Variants in DTNB observed in about 807,000 individuals in gnomAD.
The protein encoded by DTNB is dystrobrevin beta, also known as DTN-B.
DTNB carries 63 observed loss-of-function variants against 90.7 expected under a neutral mutation model. The observed-to-expected ratio is 0.69, with a 90% CI of 0.57 to 0.86. DTNB has a LOEUF of 0.86. Among genes scored for constraint, DTNB ranks in the 40% least tolerant of loss-of-function variants. DTNB has a pLI of 0.00. For missense variants in DTNB, 744 were observed against 807.1 expected, an observed-to-expected ratio of 0.92 and a Z score of 0.95; for synonymous variants, 277 against 286.7, an observed-to-expected ratio of 0.97 and a Z score of 0.34.
At chr2:25,522,141 T>C (rs1235123499) in intron 9 of DTNB, among the ~76,000 whole-genome samples, 2 of 152,198 alleles carry the variant, frequency 1.3e-5, no homozygotes, top group Non-Finnish European at 2.9e-5. Flanking sequence ...GCAACTCATT[T>C]CTCTCAGAGA....
chr2:25,399,127 C>A lies in DTNB; in HGVS notation c.1576-10766G>T, dbSNP rs551655259. Reference sequence around the variant, plus strand: ...GCAGTGGCGCGATCTCGGCTCACTGCAACCTCTGCCTCCTGGGTTCAAATG... The same window carrying A: ...GCAGTGGCGCGATCTCGGCTCACTGAAACCTCTGCCTCCTGGGTTCAAATG... On this transcript the variant is annotated intron_variant, in intron 16 of 20. Transcript: ENST00000406818. 5.3e-5 allele frequency among the ~76,000 whole-genome samples: 8 copies of A among 152,314 alleles called. No individual in the cohort carries two copies. In the East Asian group the frequency reaches 1.4e-3, roughly 26 times the overall value.
intron 5 of DTNB, among the ~76,000 whole-genome samples, chr2:25,597,076 G>C (rs894979187): frequency 6.6e-6 from 1 of 152,158 alleles, no homozygotes; most frequent in Admixed American, 6.5e-5. Context: ...AGTCAAATAT[G>C]CACAGAAAAA....
intron 16 of DTNB, among the ~76,000 whole-genome samples, chr2:25,393,769 T>G (rs2041757619): frequency 6.6e-6 from 1 of 152,110 alleles, no homozygotes; most frequent in African/African-American, 2.4e-5. Context: ...TGGAAACACA[T>G]CCCATGCTCA....
chr2:25,398,011 A>G (rs2042845543), intron 16 of DTNB, among the ~76,000 whole-genome samples: 5 of 152,088 alleles, frequency 3.3e-5, no homozygotes, highest in African/African-American at 1.2e-4. Flanking sequence ...TGGGCCAGGC[A>G]CCATGGCCTG....
intron 9 of DTNB, among the ~76,000 whole-genome samples, chr2:25,518,404 G>T (rs1042168204): frequency 6.6e-6 from 1 of 152,082 alleles, no homozygotes; most frequent in Non-Finnish European, 1.5e-5. Context: ...AAGCTTGATG[G>T]TTCTGAGTTT....
chr2:25,671,568 C>T (rs982492133), intron 1 of DTNB, among the ~76,000 whole-genome samples: 2 of 152,102 alleles, frequency 1.3e-5, no homozygotes, highest in Non-Finnish European at 2.9e-5. Flanking sequence ...GAAACTAAGG[C>T]CCTGAGAGAG....
rs3041261 is a variant in DTNB, at chr2:25,382,519, C to CTTTTTTT, written c.1879+1310_1879+1316dup. On this transcript the variant is annotated intron_variant, in intron 19 of 20. Coordinates refer to ENST00000406818, the MANE Select transcript of DTNB (RefSeq NM_021907.5). ...GAGTCAGAAAGACCCAGTTCTCTGC[C>CTTTTTTT]TTTTTTTTTTTTTTTTTTTTTTTTT... 6.9e-5 allele frequency among the ~76,000 whole-genome samples: 5 copies of CTTTTTTT among 72,008 alleles called. 1 individual carries two copies. The highest frequency in any genetic ancestry group is 3.0e-4 in the African/African-American group (5 of 16,536). 47.2% of individuals were successfully genotyped at this position (72,008 alleles called of 152,430 possible).
chr2:25,518,122 C>T (rs596173), intron 9 of DTNB, among the ~76,000 whole-genome samples: 44,935 of 151,950 alleles, frequency 0.3, 7,634 homozygotes, highest in East Asian at 0.52. Context: ...TTAACAACAA[C>T]ACGATTACAC....
chr2:25,628,485 G>GTTTCTTCTCTTT, intron 3 of DTNB, 101 bp from the exon 4 acceptor site: 1 of 1,127,364 alleles, frequency 8.9e-7, no homozygotes, highest in Non-Finnish European at 1.2e-6. Flanking sequence ...AGTTTAAAGA[G>GTTTCTTCTCTTT]AAGAAACTCT....
At chr2:25,423,753 G>C (rs2149841977) in intron 15 of DTNB, among the ~76,000 whole-genome samples, 1 of 151,436 alleles carries the variant, frequency 6.6e-6, no homozygotes. Flanking sequence ...TCCACCTCCT[G>C]GGTTCAAGCG....
At chr2:25,504,775 T>C (rs2071929572) in intron 9 of DTNB, among the ~76,000 whole-genome samples, 1 of 152,176 alleles carries the variant, frequency 6.6e-6, no homozygotes. Flanking sequence ...ATTGCTAAGA[T>C]AGCAATATTC....
At chr2:25,553,459 T>A (rs2056726446) in intron 8 of DTNB, among the ~76,000 whole-genome samples, 1 of 152,018 alleles carries the variant, frequency 6.6e-6, no homozygotes, top group South Asian at 2.1e-4. Flanking sequence ...TAGGTAGGGC[T>A]GGGTGCGGTG....
intron 2 of DTNB, among the ~76,000 whole-genome samples, chr2:25,641,913 C>G (rs902529873): frequency 6.6e-6 from 1 of 152,262 alleles, no homozygotes; most frequent in Non-Finnish European, 1.5e-5. Context: ...CTCTGCCTCC[C>G]GGGTTCACGC....
intron 3 of DTNB, among the ~76,000 whole-genome samples, chr2:25,629,619 G>C (rs558327570): frequency 1.3e-5 from 2 of 152,038 alleles, no homozygotes; most frequent in African/African-American, 4.8e-5. Context: ...AACTTTATTC[G>C]TAACAGGAAA....
intron 9 of DTNB, among the ~76,000 whole-genome samples, chr2:25,515,178 G>A (rs1187602904): frequency 2.6e-5 from 4 of 151,114 alleles, no homozygotes; most frequent in South Asian, 2.1e-4. Flanking sequence ...CAAACACACC[G>A]AAAAAAAACA....
intron 4 of DTNB, among the ~76,000 whole-genome samples, chr2:25,607,965 T>C (rs1411366678): frequency 6.6e-6 from 1 of 152,132 alleles, no homozygotes; most frequent in Non-Finnish European, 1.5e-5. Context: ...AGAACATAAA[T>C]GAATCACCTA....
chr2:25,570,505 T>A (rs2059706634), intron 8 of DTNB, among the ~76,000 whole-genome samples: 1 of 151,738 alleles, frequency 6.6e-6, no homozygotes, highest in Non-Finnish European at 1.5e-5. Context: ...GCTGTCTCCA[T>A]CTTTCTTAAA....
intron 16 of DTNB, among the ~76,000 whole-genome samples, chr2:25,398,747 T>C (rs1005681845): frequency 2.6e-5 from 4 of 152,136 alleles, no homozygotes; most frequent in African/African-American, 9.7e-5. Flanking sequence ...TGCTGTCTGA[T>C]TGGCTCCTGC....
At chr2:25,588,039 C>T (rs2062780396) in intron 6 of DTNB, among the ~76,000 whole-genome samples, 1 of 152,096 alleles carries the variant, frequency 6.6e-6, no homozygotes, top group African/African-American at 2.4e-5. Flanking sequence ...TTCATCTATT[C>T]AGGGGAACTT....
Sources: gnomAD v4.1 joint callset for allele counts (sites outside exome capture counted in the v4.1 genomes callset) on GRCh38, gnomAD v4.1.1 for gene constraint, MANE v1.5 for transcripts, NCBI Gene and HGNC (gene_info 2026-07-23, HGNC 2026-07-21) for gene names.